Variants in MCF2L observed in about 807,000 individuals in gnomAD.
The protein encoded by MCF2L is MCF.2 cell line derived transforming sequence like.
Under a neutral mutation model 153.4 loss-of-function variants are expected in MCF2L, and 97 were observed. That is an observed-to-expected ratio of 0.63 (90% CI 0.54 to 0.75). The LOEUF is 0.75. Among genes scored for constraint, MCF2L ranks in the 30% least tolerant of loss-of-function variants. The pLI is 0.00. For synonymous variants in MCF2L, 659 were observed against 632.2 expected (o/e 1.04, Z -0.64); for missense variants, 1,347 against 1,495.2 (o/e 0.90, Z 1.64).
At chr13:113,090,228 A>T in intron 26 of MCF2L, 1 of 1,436,612 alleles carries the variant, frequency 7.0e-7, no homozygotes, top group Non-Finnish European at 9.3e-7. Flanking sequence ...GTGTGTGACC[A>T]TTCGTGCCTC....
chr13:112,949,213 T>C (rs1457768459), intron 2 of MCF2L, among the ~76,000 whole-genome samples: 2 of 152,272 alleles, frequency 1.3e-5, no homozygotes, highest in African/African-American at 4.8e-5. Context: ...AAGTAGATCA[T>C]TGAATAGCCC....
Position 113,084,910 on chromosome 13 carries a change from T to G in MCF2L, c.2080T>G (p.Tyr694Asp). The G allele has an allele frequency of 6.2e-7, 1 of 1,613,890 alleles. No homozygotes were observed. Among genetic ancestry groups the G allele is most frequent in the Non-Finnish European group, 8.5e-7 (1 of 1,179,900 alleles). Residue 694 changes from tyrosine (Y) to aspartate (D), a missense_variant, in exon 19 of 30, where the codon TAT (tyrosine) becomes GAT (aspartate). Tyr to Asp is a radical substitution (Grantham distance 160). Coordinates refer to ENST00000535094, the MANE Select transcript of MCF2L (RefSeq NM_001112732.3). ...FLERMEDFQI[Y>D]EKYCQNKPRS... ...GGTGCAGATGGAAGATTTCCAGATC[T>G]ATGAGAAGTACTGTCAGAACAAGCC...
At position 113,001,773 on chromosome 13, in the gene MCF2L, G is replaced by GGTC. The variant is rs560421127; in HGVS notation, c.80-12989_80-12987dup. On this transcript the variant is annotated intron_variant, in intron 1 of 29. Coordinates refer to ENST00000535094, the MANE Select transcript of MCF2L (RefSeq NM_001112732.3). The stretch of plus-strand genomic sequence containing the variant: ...CCGGCTGGCTGCCCTGCAGAGGCCA[G>GGTC]GTCTGCCCAGCAAACCCAGGAAGGT... 936 of 1,403,866 alleles carry GGTC rather than the reference G, an allele frequency of 6.7e-4. 7 individuals carry two copies. The African/African-American group carries it at 0.013, about 19-fold the overall frequency. 87.0% of individuals were successfully genotyped at this position (1,403,866 alleles called of 1,614,324 possible). A position where few individuals can be genotyped will look rare whatever the true frequency, so the allele number is the denominator to read the frequency against.
chr13:112,911,295 T>C (rs943198169), intron 2 of MCF2L, among the ~76,000 whole-genome samples: 4 of 152,220 alleles, frequency 2.6e-5, no homozygotes, highest in African/African-American at 9.6e-5. Flanking sequence ...AGGATGGGTC[T>C]GGCTGGCGGA....
chr13:113,087,202 G>A (rs539544193), intron 21 of MCF2L, 33 bp from the exon 22 acceptor site: 50 of 1,586,908 alleles, frequency 3.2e-5, no homozygotes, highest in South Asian at 2.9e-4. Flanking sequence ...GGCCCATCCC[G>A]TCCTGAACAC....
At chr13:112,912,505 C>T (rs1213768143) in intron 2 of MCF2L, among the ~76,000 whole-genome samples, 6 of 151,940 alleles carry the variant, frequency 3.9e-5, no homozygotes, top group African/African-American at 7.3e-5. Flanking sequence ...TTAGTAGAGA[C>T]GGGGTTTCAC....
chr13:112,963,699 C>T lies in MCF2L; in HGVS notation c.170-51064C>T, dbSNP rs553578383. Among the ~76,000 whole-genome samples, 6 of 152,312 alleles carry T rather than the reference C, an allele frequency of 3.9e-5. No individual in the cohort carries two copies. In the South Asian group the frequency reaches 6.2e-4, roughly 16 times the overall value. On this transcript the variant is annotated intron_variant, in intron 2 of 29. Transcript: ENST00000375608. The stretch of plus-strand genomic sequence containing the variant: ...GTGTGGCCTCATGTGGAGGTAGGGC[C>T]GCTGCCTCTGCAGATGCATGAGCTC...
chr13:113,015,645 G>C (rs541842932), intron 2 of MCF2L, among the ~76,000 whole-genome samples: 1 of 152,342 alleles, frequency 6.6e-6, no homozygotes, highest in East Asian at 1.9e-4. Flanking sequence ...TGCACCCCAG[G>C]CCGGGCCTTG....
intron 1 of MCF2L, chr13:113,008,686 G>A (rs560406053): frequency 4.5e-4 from 68 of 152,330 alleles, no homozygotes; most frequent in African/African-American, 1.5e-3. Context: ...TGACCACGCC[G>A]AGGAAGACAG....
At chr13:113,086,274 T>G in intron 21 of MCF2L, 25 bp downstream of exon 21, 1 of 1,605,516 alleles carries the variant, frequency 6.2e-7, no homozygotes. Flanking sequence ...TGCCCGGTCT[T>G]CCCCGCCGCC....
At chr13:112,906,377 G>A (rs956505888) in intron 2 of MCF2L, among the ~76,000 whole-genome samples, 3 of 152,212 alleles carry the variant, frequency 2.0e-5, no homozygotes, top group African/African-American at 7.2e-5. Flanking sequence ...CAGGTGAATG[G>A]GGAAGGCGTG....
At chr13:112,996,444 G>T (rs1384925012) in intron 1 of MCF2L, among the ~76,000 whole-genome samples, 5 of 152,228 alleles carry the variant, frequency 3.3e-5, no homozygotes, top group Non-Finnish European at 5.9e-5. Flanking sequence ...GCTACCCTGG[G>T]CTATGTGTGC....
Position 112,993,719 on chromosome 13 carries a change from C to A in MCF2L, c.80-21044C>A, listed in dbSNP as rs1252915101. Among the ~76,000 whole-genome samples, 1 of 152,116 alleles carries A rather than the reference C, an allele frequency of 6.6e-6. No homozygotes were observed. Among genetic ancestry groups the A allele is most frequent in the Non-Finnish European group, 1.5e-5 (1 of 68,026 alleles). On this transcript the variant is annotated intron_variant, in intron 1 of 29. Coordinates refer to ENST00000535094, the MANE Select transcript of MCF2L (RefSeq NM_001112732.3). The surrounding 1 kb of genome is among the most constrained non-coding windows in gnomAD (Gnocchi z 4.6). Reference sequence around the variant, plus strand: ...TGGTGCCATCAGTCAAGAGAGACTTCAGAGGGAGAGGTTAGGTGATCCCAT... The same window carrying A: ...TGGTGCCATCAGTCAAGAGAGACTTAAGAGGGAGAGGTTAGGTGATCCCAT...
intron 2 of MCF2L, among the ~76,000 whole-genome samples, chr13:112,930,827 C>T (rs2081455163): frequency 6.6e-6 from 1 of 152,142 alleles, no homozygotes; most frequent in African/African-American, 2.4e-5. Context: ...ATCCCAGCTA[C>T]TCAGGAGGCT....
chr13:112,905,534 G>A (rs1012434121), intron 2 of MCF2L, among the ~76,000 whole-genome samples: 3 of 152,182 alleles, frequency 2.0e-5, no homozygotes, highest in Admixed American at 6.5e-5. Context: ...CGAGGGATTT[G>A]AACAAGTGGA....
chr13:112,909,356 C>A, intron 2 of MCF2L: 1 of 775,964 alleles, frequency 1.3e-6, no homozygotes, highest in East Asian at 2.4e-5. Context: ...GACCCGGCCT[C>A]CCCGCCCAGC....
At chr13:113,076,734 C>T (rs545941887) in intron 12 of MCF2L, among the ~76,000 whole-genome samples, 23 of 152,258 alleles carry the variant, frequency 1.5e-4, no homozygotes, top group South Asian at 4.1e-4. Flanking sequence ...TCAGGAAGGG[C>T]CTGGCCCTGG....
intron 15 of MCF2L, among the ~76,000 whole-genome samples, chr13:113,078,976 G>C (rs1035915550): frequency 6.6e-6 from 1 of 152,270 alleles, no homozygotes; most frequent in Non-Finnish European, 1.5e-5. Flanking sequence ...GGATTCAGGA[G>C]GGAAGAGAGG....
chr13:112,986,784 G>A (rs1230576644), intron 1 of MCF2L, among the ~76,000 whole-genome samples: 3 of 152,340 alleles, frequency 2.0e-5, no homozygotes, highest in South Asian at 2.1e-4. Context: ...TCTGCACTGC[G>A]CCCTCACTCC....
Sources: allele counts gnomAD v4.1 joint callset (sites outside exome capture counted in the v4.1 genomes callset), GRCh38; gene constraint gnomAD v4.1.1; non-coding constraint Gnocchi (gnomAD v3.1); transcripts MANE v1.5; gene names NCBI Gene and HGNC (gene_info 2026-07-23, HGNC 2026-07-21).